The following CILP2 variants were observed in gnomAD, a reference collection of about 807,000 sequenced individuals.
CILP2 encodes CILP-2.
In CILP2, 38 loss-of-function variants were observed where a neutral mutation model predicts 45.6. That is an observed-to-expected ratio of 0.83 (90% confidence interval 0.64 to 1.09). The LOEUF (loss-of-function observed/expected upper bound fraction) is 1.09. CILP2 is among the 50% of genes least tolerant of loss of function. The pLI is 0.00. For synonymous variants in CILP2, 780 were observed against 723.5 expected (o/e 1.08, Z -1.25); for missense variants, 1,735 against 1,662.2 (o/e 1.04, Z -0.76).
At chr19:19,543,536 C>T in intron 7 of CILP2, 131 bp downstream of exon 7, 1 of 1,349,516 alleles carries the variant, frequency 7.4e-7, no homozygotes, top group Non-Finnish European at 1.0e-6. Flanking sequence ...AGCCCCCATA[C>T]CACTCTGAGC....
In CILP2 at chr19:19,544,896, C is replaced by G. The variant is rs770904080; in HGVS notation, c.2351C>G (p.Ala784Gly). 6.9e-6 allele frequency: 11 copies of G among 1,588,594 alleles called. No homozygotes were observed. Among genetic ancestry groups the G allele is most frequent in the Non-Finnish European group, 9.4e-6 (11 of 1,175,356 alleles). ...NPRAWGRFDS[A>G]VTGPNGACLP... ...CGTGCCTGGGGCCGCTTTGACAGCG[C>G]GGTCACCGGCCCCAATGGCGCCTGC... The change falls in exon 8 of 8, where the codon GCG (alanine) becomes GGG (glycine). Residue 784 changes from alanine (A) to glycine (G), a missense_variant. By Grantham distance (60) the Ala-to-Gly change is moderately conservative. Coordinates refer to ENST00000291495, the MANE Select transcript of CILP2 (RefSeq NM_153221.2).
At chr19:19,540,737 C>T (rs2144676085) in intron 3 of CILP2, 2 of 467,272 alleles carry the variant, frequency 4.3e-6, no homozygotes, top group Non-Finnish European at 7.4e-6. Flanking sequence ...GACCCATGTC[C>T]GGCCCCCTGG....
chr19:19,542,166 G>C (rs995778012), intron 4 of CILP2, among the ~76,000 whole-genome samples: 56 of 152,160 alleles, frequency 3.7e-4, no homozygotes, highest in Non-Finnish European at 1.9e-4. Flanking sequence ...CTGGATCCCA[G>C]TTCCTATGCC....
At position 19,539,675 on chromosome 19, in the gene CILP2, A is replaced by T. The variant is rs970827730; in HGVS notation, c.65-4A>T. On this transcript the variant is annotated splice_region_variant and splice_polypyrimidine_tract_variant and intron_variant, in intron 1 of 7. Coordinates refer to ENST00000291495, the MANE Select transcript of CILP2 (RefSeq NM_153221.2). ...GCTTCCTTCTCCCCACTCCTCACCC[A>T]CAGACGCCACCCCCACCGAGGAGCC... 1.9e-6 allele frequency: 3 copies of T among 1,573,972 alleles called. No individual in the cohort carries two copies. Among genetic ancestry groups the T allele is most frequent in the African/African-American group, 1.4e-5 (1 of 71,922 alleles).
At position 19,545,745 on chromosome 19, in the gene CILP2, A is replaced by G. The variant is rs1362337780; in HGVS notation, c.3200A>G (p.Gln1067Arg). ...TATGGCGTCTACACTGTCACTGACC[A>G]GAGCCCACGCTTGGCCAAGGAGATC... ...HNYGVYTVTD[Q>R]SPRLAKEIAI... Residue 1067 changes from glutamine to arginine, a missense_variant, in exon 8 of 8, where the codon CAG becomes CGG. By Grantham distance (43) the Gln-to-Arg change is conservative. Transcript: ENST00000291495. 1.2e-6 allele frequency: 2 copies of G among 1,612,482 alleles called. No homozygotes were observed. The highest frequency in any genetic ancestry group is 1.7e-6 in the Non-Finnish European group (2 of 1,179,368).
Position 19,544,645 on chromosome 19 carries a change from G to T in CILP2, c.2100G>T (p.Glu700Asp). The stretch of plus-strand genomic sequence containing the variant: ...AGGAGGAGAGCGGCTTCCGGCGCGA[G>T]GGGTCCTCGGGCCCCCGGGTGCGCC... Reference protein sequence around the residue: ...LWEEESGFRREGSSGPRVRRE... With the variant: ...LWEEESGFRRDGSSGPRVRRE... Residue 700 changes from glutamate (E) to aspartate (D), a missense_variant, in exon 8 of 8, where the codon GAG becomes GAT. Coordinates refer to ENST00000291495, the MANE Select transcript of CILP2 (RefSeq NM_153221.2). 1 of 1,549,132 alleles carries T rather than the reference G, an allele frequency of 6.5e-7. No homozygotes were observed. The highest frequency in any genetic ancestry group is 8.6e-7 in the Non-Finnish European group (1 of 1,156,154).
intron 6 of CILP2, 58 bp from the exon 7 acceptor site, chr19:19,543,190 C>T: frequency 6.4e-7 from 1 of 1,556,042 alleles, no homozygotes; most frequent in African/African-American, 1.4e-5. Flanking sequence ...AGCCTGCAGA[C>T]TGGGGGCAAC....
rs752661256 is a variant in CILP2, at chr19:19,540,239, C to A, written c.199C>A (p.His67Asn). 1.9e-5 allele frequency: 30 copies of A among 1,601,252 alleles called. No homozygotes were observed. The highest frequency in any genetic ancestry group is 2.5e-5 in the Non-Finnish European group (29 of 1,176,478). Residue 67 changes from histidine to asparagine, a missense_variant, in exon 3 of 8, where the codon CAC becomes AAC. Physicochemically the swap from His to Asn is moderately conservative, Grantham distance 68. Transcript: ENST00000291495. Reference sequence around the variant, plus strand: ...GTGGACGTCCTGGTTCAACGTGGACCACCCCGGAGGCGACGGCGACTTCGA... The same window carrying A: ...GTGGACGTCCTGGTTCAACGTGGACAACCCCGGAGGCGACGGCGACTTCGA... ...SEWTSWFNVD[H>N]PGGDGDFESL...
In CILP2 at chr19:19,544,681, C is replaced by A; in HGVS notation, c.2136C>A (p.Arg712=). ...SSGPRVRREE[R]VFLVGNVEIR... is the part of the protein sequence containing the mutation. Reference sequence around the variant, plus strand: ...GCCCCCGGGTGCGCCGGGAGGAGCGCGTCTTCCTGGTGGGCAACGTGGAGA... The same window carrying A: ...GCCCCCGGGTGCGCCGGGAGGAGCGAGTCTTCCTGGTGGGCAACGTGGAGA... Residue 712 remains arginine, a synonymous_variant, in exon 8 of 8, where the codon CGC becomes CGA. Transcript: ENST00000291495. The A allele has an allele frequency of 6.4e-7, 1 of 1,574,384 alleles. No homozygotes were observed. The highest frequency in any genetic ancestry group is 2.3e-5 in the East Asian group (1 of 44,384).
At chr19:19,540,995 G>T in intron 3 of CILP2, 96 bp from the exon 4 acceptor site, 1 of 1,114,632 alleles carries the variant, frequency 9.0e-7, no homozygotes. Flanking sequence ...ACATATGTGA[G>T]GGGGTTGGGG....
chr19:19,545,291 G>A lies in CILP2; in HGVS notation c.2746G>A (p.Glu916Lys). ...CGAGTACAACGTGGTCCCCTTCCGAGAGGGCACACCTGCCTCCTGGACTGG... is the reference window on the plus strand; with the variant it reads ...CGAGTACAACGTGGTCCCCTTCCGAAAGGGCACACCTGCCTCCTGGACTGG... ...KYEYNVVPFR[E>K]GTPASWTGDL... The change falls in exon 8 of 8, where the codon GAG becomes AAG. Residue 916 changes from glutamate to lysine, a missense_variant. Coordinates refer to ENST00000291495, the MANE Select transcript of CILP2 (RefSeq NM_153221.2). The A allele has an allele frequency of 6.2e-7, 1 of 1,613,022 alleles. No individual in the cohort carries two copies. Among genetic ancestry groups the A allele is most frequent in the Non-Finnish European group, 8.5e-7 (1 of 1,179,958 alleles).
chr19:19,543,572 C>A, intron 7 of CILP2, 109 bp from the exon 8 acceptor site: 2 of 1,365,802 alleles, frequency 1.5e-6, no homozygotes, highest in Non-Finnish European at 2.0e-6. Context: ...TTACCCTGGG[C>A]AGACCCCTGT....
chr19:19,542,083 G>A (rs2061246490), intron 4 of CILP2, among the ~76,000 whole-genome samples: 1 of 152,180 alleles, frequency 6.6e-6, no homozygotes, highest in South Asian at 2.1e-4. Context: ...TTTCTCTTCT[G>A]CTGGAAAGGG....
intron 3 of CILP2, 24 bp downstream of exon 3, chr19:19,540,500 G>C (rs996691148): frequency 7.2e-7 from 1 of 1,392,442 alleles, no homozygotes; most frequent in African/African-American, 1.5e-5. Context: ...TGGATGACGG[G>C]GGCGGGGCTT....
Position 19,543,362 on chromosome 19 carries a change from G to A in CILP2, c.1092G>A (p.Glu364=). The A allele has an allele frequency of 6.2e-7, 1 of 1,613,508 alleles. No homozygotes were observed. The highest frequency in any genetic ancestry group is 8.5e-7 in the Non-Finnish European group (1 of 1,180,008). Reference sequence around the variant, plus strand: ...TCTACCACTGCAAGGCATGGAATGAGGCGGGTGCCGTGCGCTCGGGCACTG... The same window carrying A: ...TCTACCACTGCAAGGCATGGAATGAAGCGGGTGCCGTGCGCTCGGGCACTG... ...AGIYHCKAWN[E]AGAVRSGTAR... Residue 364 remains glutamate (E), a synonymous_variant, in exon 7 of 8, where the codon GAG becomes GAA. Transcript: ENST00000291495.
At chr19:19,541,327 G>C (rs564574413) in intron 4 of CILP2, 81 bp downstream of exon 4, 2 of 1,188,938 alleles carry the variant, frequency 1.7e-6, no homozygotes, top group Middle Eastern at 2.5e-4. Context: ...GGGAGAGAGG[G>C]TGGAGTTAGA....
rs1463717898 is a variant in CILP2 at position 19,543,410 on chromosome 19, G to T, written c.1135+5G>T. The T allele has an allele frequency of 1.2e-6, 2 of 1,613,062 alleles. No individual in the cohort carries two copies. The highest frequency in any genetic ancestry group is 1.7e-5 in the Admixed American group (1 of 60,014). On this transcript the variant is annotated splice_donor_5th_base_variant and intron_variant, in intron 7 of 7. Coordinates refer to ENST00000291495, the MANE Select transcript of CILP2 (RefSeq NM_153221.2). ...CTGCCCGGCTCACTGTACTTGGTGAGTGTCCTTGGCCACAGCCCCGAGCAA... is the reference window on the plus strand; with the variant it reads ...CTGCCCGGCTCACTGTACTTGGTGATTGTCCTTGGCCACAGCCCCGAGCAA...
In CILP2 at chr19:19,542,408, ACATCCTCCTGGGCTCGGTGGT is replaced by A; in HGVS notation, c.629_649del (p.Ile210_Val216del). ...CTTGACACCTGTGAATGCCCGGACC[ACATCCTCCTGGGCTCGGTGGT>A]CACCCCATCTGGGCAACCACTGCTA... On this transcript the variant is annotated inframe_deletion, in exon 5 of 8. Transcript: ENST00000291495. The A allele has an allele frequency of 6.2e-7, 1 of 1,611,528 alleles. No homozygotes were observed. Among genetic ancestry groups the A allele is most frequent in the South Asian group, 1.1e-5 (1 of 91,036 alleles).
chr19:19,540,973 G>C (rs1239489825), intron 3 of CILP2, 118 bp from the exon 4 acceptor site: 2 of 958,570 alleles, frequency 2.1e-6, no homozygotes, highest in Non-Finnish European at 2.7e-6. Context: ...TGGAGTGTCC[G>C]CCCTTGGATG....
Sources: gnomAD v4.1 joint callset for allele counts (sites outside exome capture counted in the v4.1 genomes callset) on GRCh38, gnomAD v4.1.1 for gene constraint, MANE v1.5 for transcripts, NCBI Gene and HGNC (gene_info 2026-07-23, HGNC 2026-07-21) for gene names.